The following INPP4A variants were observed in gnomAD, a reference collection of about 807,000 sequenced individuals.
INPP4A encodes the protein inositol polyphosphate-4-phosphatase type I A, also known as inositol polyphosphate-4-phosphatase, type I, 107kD.
Under a neutral mutation model 119.8 loss-of-function variants are expected in INPP4A, and 33 were observed. That is an observed-to-expected ratio of 0.28 (90% CI 0.21 to 0.37). The LOEUF is 0.37. Ranked by LOEUF, INPP4A falls within the 10% of genes least tolerant of loss-of-function variation. The probability of loss-of-function intolerance (pLI) is 1.00; values close to 1 mark genes in which losing one functional copy is unlikely to be tolerated. For synonymous variants in INPP4A, 496 were observed against 500.7 expected, an observed-to-expected ratio of 0.99 and a Z score of 0.12; for missense variants, 956 against 1,289.9, an observed-to-expected ratio of 0.74 and a Z score of 3.97.
At chr2:98,580,132 G>A (rs913998191) in intron 24 of INPP4A, among the ~76,000 whole-genome samples, 5 of 152,218 alleles carry the variant, frequency 3.3e-5, no homozygotes, top group Admixed American at 3.3e-4. Flanking sequence ...CTGCAGTTTA[G>A]CTGAGGGCCC....
intron 4 of INPP4A, among the ~76,000 whole-genome samples, chr2:98,530,371 T>G (rs554403129): frequency 6.6e-6 from 1 of 152,130 alleles, no homozygotes; most frequent in South Asian, 2.1e-4. Context: ...CTAAAGACAC[T>G]TAGTGCTTTA....
At chr2:98,568,490 T>G (rs1696882335) in intron 21 of INPP4A, 81 bp from the exon 22 acceptor site, 1 of 692,372 alleles carries the variant, frequency 1.4e-6, no homozygotes, top group African/African-American at 1.8e-5. Context: ...AGAATCAGCA[T>G]AGTTAGCTTC....
rs183525891 is a variant in INPP4A, at chr2:98,570,804, C to T, written c.2519-2011C>T. Among the ~76,000 whole-genome samples, 1 of 152,262 alleles carries T rather than the reference C, an allele frequency of 6.6e-6. No individual in the cohort carries two copies. The highest frequency in any genetic ancestry group is 2.4e-5 in the African/African-American group (1 of 41,540). On this transcript the variant is annotated intron_variant, in intron 22 of 24. Transcript: ENST00000409851. This position sits in a 1 kb window ranked among gnomAD's most constrained non-coding sequence, Gnocchi z 4.3. ...TCAGGTTGGGCAGCCTCAGTCTCCC[C>T]AGTAAAACAGGTGTTCTTGTCCTGC... is the stretch of plus-strand genomic sequence containing the variant.
rs754513567 is a variant in INPP4A, at chr2:98,577,186, C to T, written c.2786+43C>T. 18 of 1,528,256 alleles carry T rather than the reference C, an allele frequency of 1.2e-5. No homozygotes were observed. The South Asian group carries it at 1.5e-4, about 12-fold the overall frequency. The allele number at this position is 1,528,256 out of a possible 1,614,324, so 94.7% of individuals were successfully genotyped here. A position where few individuals can be genotyped will look rare whatever the true frequency, so the allele number is the denominator to read the frequency against. ...GCCGCGCGCCCCGCCTGCCCCGGCC[C>T]GTGTAAACTGCAGATGAGCTGGTAC... On this transcript the variant is annotated intron_variant, in intron 24 of 24. Coordinates refer to ENST00000409851, the MANE Select transcript of INPP4A (RefSeq NM_001134225.2).
At chr2:98,448,910 G>T (rs1173860870) in intron 1 of INPP4A, among the ~76,000 whole-genome samples, 1 of 152,016 alleles carries the variant, frequency 6.6e-6, no homozygotes. Flanking sequence ...ACACTGTGTT[G>T]CCCAGGCTGG....
intron 1 of INPP4A, among the ~76,000 whole-genome samples, chr2:98,486,199 GTCTCA>G (rs1679505575): frequency 6.6e-6 from 1 of 152,180 alleles, no homozygotes; most frequent in African/African-American, 2.4e-5. Flanking sequence ...CTTTCCTGGA[GTCTCA>G]CTCATTAATT....
rs551360673 is a variant in INPP4A at position 98,547,649 on chromosome 2, G to A, written c.1163+955G>A. ...GTTTAGGGAGAATAATTATGACTTAGCATGTGTTTGGGCTGATAGGAAAGA... is the reference window on the plus strand; with the variant it reads ...GTTTAGGGAGAATAATTATGACTTAACATGTGTTTGGGCTGATAGGAAAGA... On this transcript the variant is annotated intron_variant, in intron 13 of 24. Coordinates refer to ENST00000409851, the MANE Select transcript of INPP4A (RefSeq NM_001134225.2). Among the ~76,000 whole-genome samples the A allele has an allele frequency of 4.6e-5, 7 of 152,226 alleles. No homozygotes were observed. The South Asian group carries it at 1.5e-3, about 32-fold the overall frequency.
At position 98,591,523 on chromosome 2, in the gene INPP4A, CAAG is replaced by C. The variant is rs1487803433; in HGVS notation, c.*3923_*3925del. ...ATTTTGCTTCTCTTTAAAGTTAAGC[CAAG>C]AAGAAGACATGTCAGGACGCCCAGA... On this transcript the variant is annotated 3_prime_UTR_variant, in exon 25 of 25. Transcript: ENST00000409851. 3 of 152,064 alleles carry C rather than the reference CAAG, an allele frequency of 2.0e-5. No individual in the cohort carries two copies. The highest frequency in any genetic ancestry group is 6.6e-5 in the Admixed American group (1 of 15,266). 9.4% of individuals were successfully genotyped at this position (152,064 alleles called of 1,614,324 possible).
At chr2:98,451,365 T>C (rs1248340328) in intron 1 of INPP4A, among the ~76,000 whole-genome samples, 1 of 152,030 alleles carries the variant, frequency 6.6e-6, no homozygotes, top group Non-Finnish European at 1.5e-5. Flanking sequence ...GGGGGGATCA[T>C]GCTCTGGTGA....
At chr2:98,509,346 G>T (rs907581188) in intron 1 of INPP4A, among the ~76,000 whole-genome samples, 1 of 152,186 alleles carries the variant, frequency 6.6e-6, no homozygotes, top group South Asian at 2.1e-4. Context: ...TTAGATTCTC[G>T]TAGGAGCACA....
At chr2:98,513,113 TAG>T (rs1685444540) in intron 1 of INPP4A, among the ~76,000 whole-genome samples, 1 of 151,838 alleles carries the variant, frequency 6.6e-6, no homozygotes, top group Non-Finnish European at 1.5e-5. Flanking sequence ...AGGGTTGGAG[TAG>T]TCTCCAAAGT....
chr2:98,564,646 G>T lies in INPP4A; in HGVS notation c.2035G>T (p.Ala679Ser). Residue 679 changes from alanine to serine, a missense_variant, in exon 19 of 25, where the codon GCC (alanine) becomes TCC (serine). This residue lies in a region of INPP4A where 304 missense variants were observed against 492.1 expected (regional missense o/e 0.62). Transcript: ENST00000409851. ...TCACCCCACGCTCCCACAGCTGACC[G>T]CCCTCATCTGCGGCTTCATCATTAA... Reference protein sequence around the residue: ...RDVVFCQTLTALICGFIIKLR... With the variant: ...RDVVFCQTLTSLICGFIIKLR... 1 of 1,613,228 alleles carries T rather than the reference G, an allele frequency of 6.2e-7. No individual in the cohort carries two copies. The highest frequency in any genetic ancestry group is 1.1e-5 in the South Asian group (1 of 90,918).
intron 8 of INPP4A, 52 bp downstream of exon 8, chr2:98,538,026 C>A: frequency 8.0e-7 from 1 of 1,249,056 alleles, no homozygotes; most frequent in Non-Finnish European, 1.1e-6. Context: ...GGGAATTAAT[C>A]AGTAAAAATG....
intron 1 of INPP4A, among the ~76,000 whole-genome samples, chr2:98,463,839 G>A (rs1308000448): frequency 6.6e-6 from 1 of 152,106 alleles, no homozygotes; most frequent in African/African-American, 2.4e-5. Context: ...TGCTGCATGC[G>A]GTGCCAGGGG....
chr2:98,526,548 G>A (rs773177259), intron 4 of INPP4A, among the ~76,000 whole-genome samples: 18 of 152,102 alleles, frequency 1.2e-4, no homozygotes, highest in Non-Finnish European at 5.9e-5. Flanking sequence ...TTCTATAAAG[G>A]CAATGAGTAT....
In INPP4A at chr2:98,555,786, A is replaced by G; in HGVS notation, c.1800A>G (p.Ala600=). The G allele has an allele frequency of 6.4e-7, 1 of 1,566,440 alleles. No homozygotes were observed. The highest frequency in any genetic ancestry group is 8.7e-7 in the Non-Finnish European group (1 of 1,155,072). Residue 600 remains alanine, a synonymous_variant, in exon 16 of 25, where the codon GCA becomes GCG. Coordinates refer to ENST00000409851, the MANE Select transcript of INPP4A (RefSeq NM_001134225.2). The part of the protein sequence containing the change: ...SPCPSTMPST[A]CHPHLTTHCS... ...GCCCCTCCACCATGCCCTCCACTGCATGCCATCCTCATCTGACCACACGTG... is the reference window on the plus strand; with the variant it reads ...GCCCCTCCACCATGCCCTCCACTGCGTGCCATCCTCATCTGACCACACGTG...
At position 98,588,281 on chromosome 2, in the gene INPP4A, C is replaced by T. The variant is rs143617514; in HGVS notation, c.*673C>T. 4.5e-3 allele frequency: 920 copies of T among 205,026 alleles called. 12 individuals carry two copies. Among genetic ancestry groups the T allele is most frequent in the Middle Eastern group, 0.018 (11 of 614 alleles). The allele number at this position is 205,026 out of a possible 1,614,324, so 12.7% of individuals were successfully genotyped here. A position where few individuals can be genotyped will look rare whatever the true frequency, so the allele number is the denominator to read the frequency against. ...TCTTTTTTCTGTCCCTTATGAGTTA[C>T]AGAACAGGGAGTCTGCTGGAGACAC... On this transcript the variant is annotated 3_prime_UTR_variant, in exon 25 of 25. Coordinates refer to ENST00000409851, the MANE Select transcript of INPP4A (RefSeq NM_001134225.2).
chr2:98,504,884 C>T (rs1425782385), intron 1 of INPP4A, among the ~76,000 whole-genome samples: 1 of 152,180 alleles, frequency 6.6e-6, no homozygotes, highest in Non-Finnish European at 1.5e-5. Flanking sequence ...TCTTCAGTGC[C>T]TCTTCAGGCC....
In INPP4A at chr2:98,526,079, AATTG is replaced by A. The variant is rs554793708; in HGVS notation, c.151+5349_151+5352del. On this transcript the variant is annotated intron_variant, in intron 4 of 24. Transcript: ENST00000409851. ...ATGTCTATTAACAGTAGAATAAATA[AATTG>A]TACAATGGAATATGACTCATTTTTT... is the stretch of plus-strand genomic sequence containing the variant. Among the ~76,000 whole-genome samples, 40 of 152,376 alleles carry A rather than the reference AATTG, an allele frequency of 2.6e-4. No individual in the cohort carries two copies. In the South Asian group the frequency reaches 8.3e-3, roughly 32 times the overall value.
Sources: allele counts gnomAD v4.1 joint callset (sites outside exome capture counted in the v4.1 genomes callset), GRCh38; gene constraint gnomAD v4.1.1; regional missense constraint gnomAD v4.1.1; non-coding constraint Gnocchi (gnomAD v3.1); transcripts MANE v1.5; gene names NCBI Gene and HGNC (gene_info 2026-07-23, HGNC 2026-07-21).